Variants in IMPA1 observed in about 807,000 individuals in gnomAD.
IMPA1 encodes D-galactose 1-phosphate phosphatase.
IMPA1 carries 21 observed loss-of-function variants against 34.9 expected under a neutral mutation model. The observed-to-expected ratio is 0.60, with a 90% CI of 0.43 to 0.87. The LOEUF (loss-of-function observed/expected upper bound fraction) is 0.87, where lower values mean the gene tolerates loss of function less well. IMPA1 is among the 40% of genes least tolerant of loss of function. The pLI, the probability that IMPA1 is intolerant of heterozygous loss-of-function variation, is 0.00. For missense variants in IMPA1, 299 were observed against 336.4 expected, an observed-to-expected ratio of 0.89 and a Z score of 0.87; for synonymous variants, 95 against 104.4, an observed-to-expected ratio of 0.91 and a Z score of 0.55.
At chr8:81,684,599 A>ACTATGTGTAG (rs1563592580) in intron 1 of IMPA1, among the ~76,000 whole-genome samples, 10 of 107,978 alleles carry the variant, frequency 9.3e-5, no homozygotes, top group African/African-American at 1.3e-4. Flanking sequence ...ATCTTTAGAT[A>ACTATGTGTAG]TATATATCTA....
At chr8:81,684,599 A>ACTTATGTGTAG (rs1563592580) in intron 1 of IMPA1, among the ~76,000 whole-genome samples, 8 of 107,990 alleles carry the variant, frequency 7.4e-5, no homozygotes, top group African/African-American at 2.6e-4. Context: ...ATCTTTAGAT[A>ACTTATGTGTAG]TATATATCTA....
intron 1 of IMPA1, among the ~76,000 whole-genome samples, chr8:81,684,234 C>A (rs190830404): frequency 7.0e-6 from 1 of 141,982 alleles, no homozygotes; most frequent in African/African-American, 2.7e-5. Flanking sequence ...AGTATATATA[C>A]CATACATAAG....
At chr8:81,660,070 T>C (rs1278976715) in intron 8 of IMPA1, among the ~76,000 whole-genome samples, 1 of 152,174 alleles carries the variant, frequency 6.6e-6, no homozygotes, top group Non-Finnish European at 1.5e-5. Flanking sequence ...AGAATAAGAA[T>C]TGTCTTGGGC....
chr8:81,676,356 A>G (rs1380295784), intron 4 of IMPA1, 77 bp from the exon 5 acceptor site: 17 of 683,656 alleles, frequency 2.5e-5, no homozygotes, highest in Non-Finnish European at 3.7e-5. Flanking sequence ...TTTTCATAAT[A>G]TAAGTGTTCT....
Position 81,673,899 on chromosome 8 carries a change from G to T in IMPA1, c.399C>A (p.Ala133=), listed in dbSNP as rs1403601239. ...TACAAAAGGCACCTTTTCCTTTTCT[G>T]GCAGTGTACATCTTGCCTTCCACAC... ...YSCVEGKMYT[A]RKGKGAFCNG... is the part of the protein sequence containing the mutation. Residue 133 remains alanine (A), a synonymous_variant, in exon 6 of 9, where the codon GCC becomes GCA. Transcript: ENST00000256108. The T allele has an allele frequency of 6.2e-7, 1 of 1,613,366 alleles. No homozygotes were observed. The highest frequency in any genetic ancestry group is 2.2e-5 in the East Asian group (1 of 44,854).
Position 81,679,179 on chromosome 8 carries a change from G to T in IMPA1, c.249C>A (p.Asp83Glu). ...TAGGGTCAATGATCCATGTGGGGTT[G>T]TCGGTTAAGATACTTTTTTCCCCAG... ...VAAGEKSILTDNPTWIIDPID... is the reference protein window; with the variant it reads ...VAAGEKSILTENPTWIIDPID... Residue 83 changes from aspartate (D) to glutamate (E), a missense_variant, in exon 4 of 9, where the codon GAC becomes GAA. Coordinates refer to ENST00000256108, the MANE Select transcript of IMPA1 (RefSeq NM_005536.4). 6.2e-7 allele frequency: 1 copy of T among 1,614,022 alleles called. No individual in the cohort carries two copies. Among genetic ancestry groups the T allele is most frequent in the Non-Finnish European group, 8.5e-7 (1 of 1,179,930 alleles).
chr8:81,674,832 C>T (rs778078858), intron 5 of IMPA1: 3 of 455,592 alleles, frequency 6.6e-6, no homozygotes, highest in Non-Finnish European at 1.3e-5. Flanking sequence ...GGTTCCAAAC[C>T]TAGTCTTGCA....
intron 7 of IMPA1, among the ~76,000 whole-genome samples, chr8:81,664,882 GAAAAAGGAA>G (rs996429927): frequency 5.9e-5 from 8 of 136,752 alleles, no homozygotes; most frequent in Admixed American, 3.6e-4. Flanking sequence ...ACAAAAAAAA[GAAAAAGGAA>G]AAAAAGAAAA....
chr8:81,668,498 T>G (rs1216223937), intron 7 of IMPA1, among the ~76,000 whole-genome samples: 2 of 151,988 alleles, frequency 1.3e-5, no homozygotes, highest in African/African-American at 4.8e-5. Flanking sequence ...GAGGCTGAAG[T>G]AGGAGGACTG....
intron 5 of IMPA1, among the ~76,000 whole-genome samples, chr8:81,675,756 T>C (rs1277420811): frequency 2.6e-5 from 4 of 152,254 alleles, no homozygotes; most frequent in Non-Finnish European, 5.9e-5. Context: ...AGGCTTTAGA[T>C]GTAAGTATTT....
intron 3 of IMPA1, 69 bp downstream of exon 3, chr8:81,680,581 C>T (rs1381445464): frequency 3.4e-6 from 4 of 1,187,870 alleles, no homozygotes; most frequent in Admixed American, 2.1e-5. Flanking sequence ...AGTCAAGCTA[C>T]TCTCATATGC....
At position 81,659,251 on chromosome 8, in the gene IMPA1, G is replaced by T; in HGVS notation, c.*100C>A. The stretch of plus-strand genomic sequence containing the variant: ...TCCAAATTTTTGACCTGGACAAAGA[G>T]AATTTAAACCAAGCATATCATACAT... On this transcript the variant is annotated 3_prime_UTR_variant, in exon 9 of 9. Transcript: ENST00000256108. The T allele has an allele frequency of 1.3e-6, 1 of 741,190 alleles. No individual in the cohort carries two copies. Among genetic ancestry groups the T allele is most frequent in the Non-Finnish European group, 2.4e-6 (1 of 416,186 alleles). 45.9% of individuals were successfully genotyped at this position (741,190 alleles called of 1,614,324 possible). A position where few individuals can be genotyped will look rare whatever the true frequency, so the allele number is the denominator to read the frequency against.
chr8:81,678,430 G>A (rs934456170), intron 4 of IMPA1, among the ~76,000 whole-genome samples: 2 of 152,028 alleles, frequency 1.3e-5, no homozygotes, highest in South Asian at 2.1e-4. Flanking sequence ...AGTGGTTCAC[G>A]CCTGTAATCC....
chr8:81,680,186 G>A (rs188113384), intron 3 of IMPA1, among the ~76,000 whole-genome samples: 2 of 152,044 alleles, frequency 1.3e-5, no homozygotes, highest in Non-Finnish European at 2.9e-5. Flanking sequence ...TTCAAGAGGT[G>A]GAGCCTAATA....
At chr8:81,686,153 C>T in intron 1 of IMPA1, 99 bp downstream of exon 1, 1 of 891,364 alleles carries the variant, frequency 1.1e-6, no homozygotes, top group Non-Finnish European at 1.4e-6. Context: ...CGACCGCGCA[C>T]GGCGCTCGCG....
intron 4 of IMPA1, 75 bp downstream of exon 4, chr8:81,679,051 T>C: frequency 1.1e-6 from 1 of 892,228 alleles, no homozygotes; most frequent in East Asian, 2.5e-5. Context: ...AGTGTACATG[T>C]TCCTAAATAG....
intron 7 of IMPA1, among the ~76,000 whole-genome samples, chr8:81,662,677 G>C (rs1806712928): frequency 6.6e-6 from 1 of 152,130 alleles, no homozygotes; most frequent in Non-Finnish European, 1.5e-5. Context: ...ATCAAATAAG[G>C]ATTCCAATTT....
At position 81,659,128 on chromosome 8, in the gene IMPA1, T is replaced by C. The variant is rs922199431; in HGVS notation, c.*223A>G. 5.6e-6 allele frequency: 3 copies of C among 533,176 alleles called. No individual in the cohort carries two copies. In the African/African-American group the frequency reaches 5.8e-5, roughly 10 times the overall value. 33.0% of individuals were successfully genotyped at this position (533,176 alleles called of 1,614,324 possible). On this transcript the variant is annotated 3_prime_UTR_variant, in exon 9 of 9. Transcript: ENST00000256108. The stretch of plus-strand genomic sequence containing the variant: ...ATCAACTGTACTTCCTGGGTATGTT[T>C]CCTAAAGTACATTCTTACATGCAAA...
chr8:81,684,301 T>C (rs570666154), intron 1 of IMPA1, among the ~76,000 whole-genome samples: 2 of 144,440 alleles, frequency 1.4e-5, no homozygotes, highest in South Asian at 4.3e-4. Flanking sequence ...ATACTATATA[T>C]AGTATATATA....
Sources: gnomAD v4.1 joint callset for allele counts (sites outside exome capture counted in the v4.1 genomes callset) on GRCh38, gnomAD v4.1.1 for gene constraint, MANE v1.5 for transcripts, NCBI Gene and HGNC (gene_info 2026-07-23, HGNC 2026-07-21) for gene names.